Variants in TARBP1 observed in about 807,000 individuals in gnomAD.
TARBP1 encodes tRNA guanosine 2 -O-methyltransferase TARBP1.
In TARBP1, 144 loss-of-function variants were observed where a neutral mutation model predicts 178.6. That is an observed-to-expected ratio of 0.81 (90% CI 0.70 to 0.93). TARBP1 has a LOEUF of 0.93. TARBP1 is among the 40% of genes least tolerant of loss of function. The probability of loss-of-function intolerance (pLI) is 0.00; values close to 1 mark genes in which losing one functional copy is unlikely to be tolerated. For missense variants in TARBP1, 2,067 were observed against 2,011.7 expected (o/e 1.03, Z -0.53); for synonymous variants, 787 against 781.0 (o/e 1.01, Z -0.13).
chr1:234,393,880 G>T (rs1489582029), intron 26 of TARBP1, 43 bp from the exon 27 acceptor site: 2 of 1,435,060 alleles, frequency 1.4e-6, no homozygotes, highest in East Asian at 2.3e-5. Flanking sequence ...AAATAAATCT[G>T]AATCTCTATA....
chr1:234,444,142 AAACT>A (rs1466719677), intron 12 of TARBP1, among the ~76,000 whole-genome samples: 10 of 152,316 alleles, frequency 6.6e-5, no homozygotes, highest in South Asian at 2.1e-4. Context: ...TCTATGCATA[AAACT>A]AACTATGTAT....
intron 4 of TARBP1, among the ~76,000 whole-genome samples, chr1:234,466,371 G>T (rs1351735356): frequency 6.6e-6 from 1 of 152,036 alleles, no homozygotes; most frequent in Non-Finnish European, 1.5e-5. Context: ...ACTGAGCCAG[G>T]CATGGTGGCG....
At chr1:234,465,164 G>A (rs546933441) in intron 5 of TARBP1, among the ~76,000 whole-genome samples, 7 of 152,144 alleles carry the variant, frequency 4.6e-5, no homozygotes, top group Non-Finnish European at 1.0e-4. Flanking sequence ...ACAAAGCTAA[G>A]AAAGATGCGC....
intron 5 of TARBP1, among the ~76,000 whole-genome samples, chr1:234,464,405 A>AT (rs900864339): frequency 3.3e-5 from 5 of 152,182 alleles, no homozygotes; most frequent in Admixed American, 6.5e-5. Context: ...CTAAAGTCAC[A>AT]TTTTTTCTGC....
At position 234,448,483 on chromosome 1, in the gene TARBP1, T is replaced by C; in HGVS notation, c.1958A>G (p.Tyr653Cys). ...TTTCAATTACAGAAACAATTACCTA[T>C]ACTGAGTCTTCATTCCTTCCACATC... ...AVDVEGMKTQ[Y>C]SGKQRTENVL... Residue 653 changes from tyrosine to cysteine, a missense_variant, in exon 11 of 30, where the codon TAT becomes TGT. Transcript: ENST00000040877. The C allele has an allele frequency of 6.2e-6, 10 of 1,612,732 alleles. No homozygotes were observed. The highest frequency in any genetic ancestry group is 8.5e-6 in the Non-Finnish European group (10 of 1,178,900).
At chr1:234,454,855 A>G (rs933356292) in intron 9 of TARBP1, among the ~76,000 whole-genome samples, 1 of 152,206 alleles carries the variant, frequency 6.6e-6, no homozygotes, top group Non-Finnish European at 1.5e-5. Flanking sequence ...AGCTTTGCAG[A>G]TTTAAGTATT....
At chr1:234,473,445 G>C (rs1247359983) in intron 1 of TARBP1, among the ~76,000 whole-genome samples, 1 of 152,214 alleles carries the variant, frequency 6.6e-6, no homozygotes, top group African/African-American at 2.4e-5. Flanking sequence ...TGAATTGGGA[G>C]GCACAGGACA....
chr1:234,471,146 A>T, intron 3 of TARBP1, 42 bp downstream of exon 3: 1 of 1,432,758 alleles, frequency 7.0e-7, no homozygotes, highest in Non-Finnish European at 9.6e-7. Context: ...TCAGGGGAAA[A>T]CCATAAATGT....
chr1:234,465,811 A>G, intron 4 of TARBP1, 103 bp from the exon 5 acceptor site: 5 of 1,056,946 alleles, frequency 4.7e-6, no homozygotes, highest in Non-Finnish European at 6.6e-6. Flanking sequence ...CTTACAGAAG[A>G]CCTGCTATAA....
chr1:234,402,468 AT>A (rs1660779043), intron 24 of TARBP1, among the ~76,000 whole-genome samples: 1 of 152,214 alleles, frequency 6.6e-6, no homozygotes, highest in African/African-American at 2.4e-5. Flanking sequence ...GACATGAAAT[AT>A]TTTAAATATT....
At chr1:234,477,567 T>C (rs930077716) in intron 1 of TARBP1, among the ~76,000 whole-genome samples, 12 of 152,366 alleles carry the variant, frequency 7.9e-5, no homozygotes, top group Middle Eastern at 3.4e-3. Context: ...TCATTACTCT[T>C]GCACATAGTA....
At chr1:234,429,392 A>G (rs1253369333) in intron 16 of TARBP1, 24 bp downstream of exon 16, 6 of 1,589,838 alleles carry the variant, frequency 3.8e-6, no homozygotes, top group Non-Finnish European at 5.1e-6. Flanking sequence ...GTTACTGTTC[A>G]ATTCATGTTT....
At chr1:234,417,081 G>A (rs1285201177) in intron 22 of TARBP1, among the ~76,000 whole-genome samples, 1 of 152,216 alleles carries the variant, frequency 6.6e-6, no homozygotes, top group African/African-American at 2.4e-5. Flanking sequence ...CACTACCAAT[G>A]CGAAGGCGTG....
At chr1:234,446,127 T>C (rs1666153912) in intron 12 of TARBP1, among the ~76,000 whole-genome samples, 1 of 152,166 alleles carries the variant, frequency 6.6e-6, no homozygotes, top group South Asian at 2.1e-4. Context: ...ATACTAATGC[T>C]CCTCTAGAAT....
At chr1:234,451,766 A>AAAAAAAAAAAACAAAAAAAC (rs57636903) in intron 9 of TARBP1, among the ~76,000 whole-genome samples, 2 of 17,166 alleles carry the variant, frequency 1.2e-4, no homozygotes, top group Non-Finnish European at 1.8e-4. Context: ...AAAAAAAAAA[A>AAAAAAAAAAAACAAAAAAAC]TGATGAATGA....
intron 12 of TARBP1, among the ~76,000 whole-genome samples, chr1:234,440,694 G>A (rs1344944921): frequency 6.6e-6 from 1 of 152,140 alleles, no homozygotes; most frequent in Non-Finnish European, 1.5e-5. Flanking sequence ...CAAGGTTACA[G>A]GATACAAGGT....
intron 22 of TARBP1, 102 bp downstream of exon 22, chr1:234,417,982 G>A: frequency 5.9e-6 from 4 of 673,106 alleles, no homozygotes; most frequent in Non-Finnish European, 6.7e-6. Flanking sequence ...ATACAATAGG[G>A]CAACTGAGAG....
Position 234,393,473 on chromosome 1 carries a change from GGTCCTGCACA to G in TARBP1, c.4439_4448del (p.Leu1480ProfsTer36). The G allele has an allele frequency of 1.9e-6, 3 of 1,602,810 alleles. No homozygotes were observed. The Admixed American group carries it at 5.2e-5, about 28-fold the overall frequency. On this transcript the variant is annotated frameshift_variant, in exon 28 of 30. Coordinates refer to ENST00000040877, the MANE Select transcript of TARBP1 (RefSeq NM_005646.4). LOFTEE classifies it high-confidence loss of function. ...GCACTGAAGCCCCAAATACCTCACA[GGTCCTGCACA>G]GTCCTGCACAGAACACCTGGGATCA...
rs777753166 is a variant in TARBP1 at position 234,467,496 on chromosome 1, C to T, written c.1248+6G>A. 24 of 1,580,198 alleles carry T rather than the reference C, an allele frequency of 1.5e-5. No individual in the cohort carries two copies. The South Asian group carries it at 2.4e-4, about 16-fold the overall frequency. On this transcript the variant is annotated splice_donor_region_variant and intron_variant, in intron 4 of 29. Coordinates refer to ENST00000040877, the MANE Select transcript of TARBP1 (RefSeq NM_005646.4). Reference sequence around the variant, plus strand: ...GGGAGCAAGGAAGGGGACAGGGTGTCATTACCTCAGAAAATTCTGGTGAAA... The same window carrying T: ...GGGAGCAAGGAAGGGGACAGGGTGTTATTACCTCAGAAAATTCTGGTGAAA...
Sources: gnomAD v4.1 joint callset for allele counts (sites outside exome capture counted in the v4.1 genomes callset) on GRCh38, gnomAD v4.1.1 for gene constraint, MANE v1.5 for transcripts, NCBI Gene and HGNC (gene_info 2026-07-23, HGNC 2026-07-21) for gene names.